The following DAPK2 variants were observed in gnomAD, a reference collection of about 807,000 sequenced individuals.
DAPK2 encodes the protein death-associated protein kinase 2.
DAPK2 carries 35 observed loss-of-function variants against 44.1 expected under a neutral mutation model. That is an observed-to-expected ratio of 0.79 (90% confidence interval 0.61 to 1.05). The LOEUF (loss-of-function observed/expected upper bound fraction) is 1.05, where lower values mean the gene tolerates loss of function less well. Among genes scored for constraint, DAPK2 ranks in the 50% least tolerant of loss-of-function variants. The probability of loss-of-function intolerance (pLI) is 0.00; values close to 1 mark genes in which losing one functional copy is unlikely to be tolerated. For synonymous variants in DAPK2, 174 were observed against 182.6 expected (o/e 0.95, Z 0.38); for missense variants, 453 against 483.2 (o/e 0.94, Z 0.59).
intron 3 of DAPK2, among the ~76,000 whole-genome samples, chr15:63,969,730 A>T (rs1451742022): frequency 7.4e-6 from 1 of 134,780 alleles, no homozygotes; most frequent in Non-Finnish European, 1.6e-5. Flanking sequence ...ACAGAGCGAG[A>T]CTATCTCTAT....
chr15:63,965,029 A>G (rs576551904), intron 3 of DAPK2, among the ~76,000 whole-genome samples: 2 of 152,272 alleles, frequency 1.3e-5, no homozygotes, highest in East Asian at 3.9e-4. Flanking sequence ...ATGTCTGGCC[A>G]TTGAAGAATT....
rs1314097232 is a variant in DAPK2 at position 63,922,301 on chromosome 15, A to G, written c.858+2515T>C. The G allele has an allele frequency of 3.0e-6, 3 of 993,784 alleles. No individual in the cohort carries two copies. The African/African-American group carries it at 5.2e-5, about 17-fold the overall frequency. 61.6% of individuals were successfully genotyped at this position (993,784 alleles called of 1,614,324 possible). A position where few individuals can be genotyped will look rare whatever the true frequency, so the allele number is the denominator to read the frequency against. The stretch of plus-strand genomic sequence containing the variant: ...ATGCATTGTAAATCCCTGCTTCTGT[A>G]GCAGGAAAGCACCATGCTGACTTAG... On this transcript the variant is annotated intron_variant, in intron 8 of 10. Transcript: ENST00000261891.
chr15:63,911,606 GT>G (rs1447029256), intron 10 of DAPK2: 4 of 419,080 alleles, frequency 9.5e-6, no homozygotes, highest in African/African-American at 7.9e-5. Flanking sequence ...TACATTTTGG[GT>G]TGTCTGTGGT....
rs2140322083 is a variant in DAPK2 at position 63,923,543 on chromosome 15, T to C, written c.858+1273A>G. On this transcript the variant is annotated intron_variant, in intron 8 of 10. Coordinates refer to ENST00000261891, the Ensembl canonical transcript of DAPK2. The surrounding 1 kb of genome is among the most constrained non-coding windows in gnomAD (Gnocchi z 4.2). ...GAGTGTGGGGGTGCTGTCTGCATGCTCATTCAGGGCAGAAGGGTCCACAGC... is the reference window on the plus strand; with the variant it reads ...GAGTGTGGGGGTGCTGTCTGCATGCCCATTCAGGGCAGAAGGGTCCACAGC... Among the ~76,000 whole-genome samples the C allele has an allele frequency of 6.6e-6, 1 of 152,236 alleles. No homozygotes were observed. Among genetic ancestry groups the C allele is most frequent in the African/African-American group, 2.4e-5 (1 of 41,544 alleles).
chr15:64,003,514 G>C (rs1403158833), intron 1 of DAPK2, among the ~76,000 whole-genome samples: 1 of 152,120 alleles, frequency 6.6e-6, no homozygotes, highest in Non-Finnish European at 1.5e-5. Context: ...GCATTACCTG[G>C]GTTTAATCAG....
chr15:64,012,135 A>G (rs184777832), intron 1 of DAPK2, among the ~76,000 whole-genome samples: 4 of 152,344 alleles, frequency 2.6e-5, no homozygotes, highest in Admixed American at 2.6e-4. Flanking sequence ...AACATACATT[A>G]CTGACTGTCA....
intron 8 of DAPK2, among the ~76,000 whole-genome samples, chr15:63,913,176 G>T: frequency 6.6e-6 from 1 of 152,114 alleles, no homozygotes; most frequent in Non-Finnish European, 1.5e-5. Flanking sequence ...CAAAGCAGAT[G>T]GGTAGCTGCC....
intron 1 of DAPK2, among the ~76,000 whole-genome samples, chr15:64,023,383 G>C (rs537315069): frequency 6.6e-6 from 1 of 152,360 alleles, no homozygotes; most frequent in African/African-American, 2.4e-5. Context: ...AGCCATAAAG[G>C]AATTGGCTTG....
At chr15:64,028,352 C>A (rs2079913759) in intron 1 of DAPK2, among the ~76,000 whole-genome samples, 1 of 152,182 alleles carries the variant, frequency 6.6e-6, no homozygotes, top group Non-Finnish European at 1.5e-5. Flanking sequence ...AACCACTGCA[C>A]CCGACCCTAT....
intron 1 of DAPK2, among the ~76,000 whole-genome samples, chr15:63,987,648 T>C (rs1307588542): frequency 1.3e-5 from 2 of 152,182 alleles, no homozygotes; most frequent in African/African-American, 2.4e-5. Context: ...TTTCAGTTCA[T>C]GTTTCTCCAT....
upstream of DAPK2, chr15:64,046,346 A>AGCGGCGGGCGCGGCGGGC (rs542332756): frequency 3.2e-4 from 59 of 184,454 alleles, no homozygotes; most frequent in Admixed American, 3.6e-3. This position sits in a 1 kb window ranked among gnomAD's most constrained non-coding sequence, Gnocchi z 5.3. Flanking sequence ...GCGCGGCGGG[A>AGCGGCGGGCGCGGCGGGC]GCGGCGGGCG....
chr15:64,003,750 T>C (rs1706747896), intron 1 of DAPK2, among the ~76,000 whole-genome samples: 1 of 152,170 alleles, frequency 6.6e-6, no homozygotes, highest in African/African-American at 2.4e-5. Flanking sequence ...GGATTACTGG[T>C]GTGTGCCATC....
chr15:63,943,049 G>T (rs60673721), intron 3 of DAPK2, among the ~76,000 whole-genome samples: 5 of 151,002 alleles, frequency 3.3e-5, no homozygotes, highest in Non-Finnish European at 7.4e-5. Flanking sequence ...GCAAACATGC[G>T]ACATACTTTA....
At chr15:63,983,323 C>T (rs536729784) in intron 2 of DAPK2, among the ~76,000 whole-genome samples, 42 of 152,304 alleles carry the variant, frequency 2.8e-4, no homozygotes, top group African/African-American at 8.7e-4. Flanking sequence ...CAAGCTTGCC[C>T]CTCCTTTGGC....
At chr15:64,003,850 C>A (rs995231976) in intron 1 of DAPK2, among the ~76,000 whole-genome samples, 3 of 152,236 alleles carry the variant, frequency 2.0e-5, no homozygotes, top group Non-Finnish European at 4.4e-5. Flanking sequence ...AAGTGTCTGC[C>A]TGCCTCAGCC....
Position 63,939,404 on chromosome 15 carries a change from A to G in DAPK2, c.454-43T>C. 1 of 1,554,054 alleles carries G rather than the reference A, an allele frequency of 6.4e-7. No homozygotes were observed. Among genetic ancestry groups the G allele is most frequent in the Non-Finnish European group, 8.7e-7 (1 of 1,155,718 alleles). On this transcript the variant is annotated intron_variant, in intron 3 of 10. Transcript: ENST00000261891. This position sits in a 1 kb window ranked among gnomAD's most constrained non-coding sequence, Gnocchi z 4.3. ...GAAAAAAAAAAAAGGAAGGAAGAAAAGAAAAAAAAAGACGGTAATTAAAGG... is the reference window on the plus strand; with the variant it reads ...GAAAAAAAAAAAAGGAAGGAAGAAAGGAAAAAAAAAGACGGTAATTAAAGG...
chr15:63,926,060 C>T lies in DAPK2; in HGVS notation c.693G>A (p.Thr231=), dbSNP rs759637574. 7 of 1,612,856 alleles carry T rather than the reference C, an allele frequency of 4.3e-6. No individual in the cohort carries two copies. The South Asian group carries it at 6.6e-5, about 15-fold the overall frequency. Reference sequence around the variant, plus strand: ...TGATATTTGCCAGTGTTTCCTGCTTCGTGTCTCCCAGGAAAGGGGATGCTC... The same window carrying T: ...TGATATTTGCCAGTGTTTCCTGCTTTGTGTCTCCCAGGAAAGGGGATGCTC... Residue 231 remains threonine (T), a synonymous_variant, in exon 7 of 11, where the codon ACG becomes ACA. Transcript: ENST00000261891.
In DAPK2 at chr15:63,987,820, C is replaced by T. The variant is rs116411656; in HGVS notation, c.93-4066G>A. Among the ~76,000 whole-genome samples the T allele has an allele frequency of 3.7e-3, 568 of 152,248 alleles. 3 individuals are homozygous for T. The highest frequency in any genetic ancestry group is 0.013 in the African/African-American group (539 of 41,524). On this transcript the variant is annotated intron_variant, in intron 1 of 10. Transcript: ENST00000261891. ...AGTCTAGTCAGAGCCCTACCACTAA[C>T]GAGCCAGGACCCTGGGCAGCCTGTT... is the stretch of plus-strand genomic sequence containing the variant.
chr15:63,992,172 G>C (rs538412404), intron 1 of DAPK2, among the ~76,000 whole-genome samples: 1 of 152,250 alleles, frequency 6.6e-6, no homozygotes, highest in African/African-American at 2.4e-5. Context: ...TGCAAGTCTA[G>C]GACCTGAAAT....
Sources: allele counts gnomAD v4.1 joint callset (sites outside exome capture counted in the v4.1 genomes callset), GRCh38; gene constraint gnomAD v4.1.1; non-coding constraint Gnocchi (gnomAD v3.1); transcripts MANE v1.5; gene names NCBI Gene and HGNC (gene_info 2026-07-23, HGNC 2026-07-21).